The following FAIM2 variants were observed in gnomAD, a reference collection of about 807,000 sequenced individuals.
FAIM2 encodes the protein protein lifeguard 2.
In FAIM2, 27 loss-of-function variants were observed where a neutral mutation model predicts 47.4. The ratio of observed to expected loss-of-function variants is 0.57; its 90% CI spans 0.42 to 0.78. FAIM2 has a LOEUF of 0.78. FAIM2 is among the 30% of genes least tolerant of loss of function. The probability of loss-of-function intolerance (pLI) is 0.00; values close to 1 mark genes in which losing one functional copy is unlikely to be tolerated. For missense variants in FAIM2, 311 were observed against 389.4 expected (o/e 0.80, Z 1.69); for synonymous variants, 156 against 159.3 (o/e 0.98, Z 0.16).
In FAIM2 at chr12:49,869,457, CA is replaced by C. The variant is rs1207270645; in HGVS notation, c.*1046del. ...GCCTGGCTGGGGACGAGCCAGCAAA[CA>C]GCAGCTGACAGGAAGGGTTTAGGAA... On this transcript the variant is annotated 3_prime_UTR_variant, in exon 12 of 12. Coordinates refer to ENST00000320634, the MANE Select transcript of FAIM2 (RefSeq NM_012306.4). The C allele has an allele frequency of 6.5e-6, 1 of 153,072 alleles. No homozygotes were observed. Among genetic ancestry groups the C allele is most frequent in the East Asian group, 1.9e-4 (1 of 5,194 alleles). The allele number at this position is 153,072 out of a possible 1,614,324, so 9.5% of individuals were successfully genotyped here.
chr12:49,892,543 T>G (rs1048764544), intron 5 of FAIM2, among the ~76,000 whole-genome samples: 6 of 152,176 alleles, frequency 3.9e-5, no homozygotes, highest in African/African-American at 1.4e-4. Flanking sequence ...TTGTCAGTCC[T>G]TATCTTGCCT....
chr12:49,883,647 A>G (rs1377706131), intron 11 of FAIM2, among the ~76,000 whole-genome samples: 1 of 152,160 alleles, frequency 6.6e-6, no homozygotes, highest in Admixed American at 6.5e-5. Flanking sequence ...TAATCATCAT[A>G]AAATATCGCA....
At position 49,869,474 on chromosome 12, in the gene FAIM2, G is replaced by C. The variant is rs1946686675; in HGVS notation, c.*1030C>G. On this transcript the variant is annotated 3_prime_UTR_variant, in exon 12 of 12. Transcript: ENST00000320634. ...CCAGCAAACAGCAGCTGACAGGAAG[G>C]GTTTAGGAAATAAGAGGTGCAGAAG... is the stretch of plus-strand genomic sequence containing the variant. 1 of 153,154 alleles carries C rather than the reference G, an allele frequency of 6.5e-6. No homozygotes were observed. The highest frequency in any genetic ancestry group is 1.5e-5 in the Non-Finnish European group (1 of 68,580). The allele number at this position is 153,154 out of a possible 1,614,324, so 9.5% of individuals were successfully genotyped here.
intron 11 of FAIM2, among the ~76,000 whole-genome samples, chr12:49,884,648 C>A (rs1946848142): frequency 6.6e-6 from 1 of 152,194 alleles, no homozygotes; most frequent in South Asian, 2.1e-4. Flanking sequence ...ACACCTGGGT[C>A]TTGGTCCTCA....
At chr12:49,890,408 C>G (rs1315719361) in intron 7 of FAIM2, among the ~76,000 whole-genome samples, 1 of 152,180 alleles carries the variant, frequency 6.6e-6, no homozygotes, top group East Asian at 1.9e-4. Flanking sequence ...CTCCACTCTT[C>G]TTCATTACCA....
rs550983476 is a variant in FAIM2 at position 49,867,893 on chromosome 12, ACC to A, written c.*2609_*2610del. On this transcript the variant is annotated 3_prime_UTR_variant, in exon 12 of 12. Transcript: ENST00000320634. ...TGCTGCCTACACTGTGGTACCTGCC[ACC>A]CCCCCTCAGGACCCAGAGTAGGAGG... 1 of 150,852 alleles carries A rather than the reference ACC, an allele frequency of 6.6e-6. No homozygotes were observed. The highest frequency in any genetic ancestry group is 2.4e-5 in the African/African-American group (1 of 40,934). The allele number at this position is 150,852 out of a possible 1,614,324, so 9.3% of individuals were successfully genotyped here. A position where few individuals can be genotyped will look rare whatever the true frequency, so the allele number is the denominator to read the frequency against.
At chr12:49,883,960 G>A (rs1035872902) in intron 11 of FAIM2, among the ~76,000 whole-genome samples, 3 of 152,184 alleles carry the variant, frequency 2.0e-5, no homozygotes, top group African/African-American at 7.2e-5. Flanking sequence ...TATGGCTCAT[G>A]CCTGTTATCC....
intron 10 of FAIM2, among the ~76,000 whole-genome samples, chr12:49,888,847 C>T (rs903608157): frequency 1.3e-5 from 2 of 152,238 alleles, no homozygotes; most frequent in African/African-American, 2.4e-5. Context: ...CTCACCTCCA[C>T]CCCACAGAGG....
chr12:49,879,699 CATGTGTGT>C (rs1350009468), intron 11 of FAIM2, among the ~76,000 whole-genome samples: 5 of 49,380 alleles, frequency 1.0e-4, no homozygotes, highest in Admixed American at 6.2e-4. Flanking sequence ...TGTCTGTGTG[CATGTGTGT>C]GTGTGTGTAT....
chr12:49,875,615 C>A (rs1946730892), intron 11 of FAIM2, among the ~76,000 whole-genome samples: 1 of 152,124 alleles, frequency 6.6e-6, no homozygotes, highest in African/African-American at 2.4e-5. Flanking sequence ...AATCAAAAAG[C>A]CTGGCCCAGG....
chr12:49,884,438 G>A (rs1946846787), intron 11 of FAIM2, among the ~76,000 whole-genome samples: 1 of 152,148 alleles, frequency 6.6e-6, no homozygotes, highest in South Asian at 2.1e-4. Flanking sequence ...TTATTTTCAG[G>A]TGGGAGAAAT....
intron 3 of FAIM2, 49 bp downstream of exon 3, chr12:49,897,938 G>A (rs773824755): frequency 7.0e-7 from 1 of 1,432,192 alleles, no homozygotes; most frequent in Admixed American, 1.7e-5. Context: ...CTCTCCAGGG[G>A]CTCCCCCACT....
At chr12:49,873,495 T>A (rs1565611728) in intron 11 of FAIM2, among the ~76,000 whole-genome samples, 1 of 152,130 alleles carries the variant, frequency 6.6e-6, no homozygotes. Context: ...GCTGCCAGCA[T>A]CAGTTCATAA....
intron 2 of FAIM2, among the ~76,000 whole-genome samples, chr12:49,898,763 A>C (rs1946960133): frequency 6.6e-6 from 1 of 152,078 alleles, no homozygotes; most frequent in African/African-American, 2.4e-5. Flanking sequence ...CCTGAGCCCA[A>C]GCAATCCACC....
intron 11 of FAIM2, among the ~76,000 whole-genome samples, chr12:49,880,372 GTA>G (rs1445953837): frequency 1.6e-4 from 20 of 123,914 alleles, no homozygotes; most frequent in East Asian, 6.8e-4. Flanking sequence ...ATGTGCATGT[GTA>G]TGTGTGTCTA....
At chr12:49,897,738 A>C in intron 3 of FAIM2, 155 bp from the exon 4 acceptor site, 1 of 654,394 alleles carries the variant, frequency 1.5e-6, no homozygotes, top group Non-Finnish European at 2.7e-6. Flanking sequence ...GCGAAAGGAA[A>C]GCAAAGATGC....
intron 11 of FAIM2, among the ~76,000 whole-genome samples, chr12:49,881,015 A>T (rs1208498721): frequency 6.6e-6 from 1 of 152,102 alleles, no homozygotes; most frequent in Non-Finnish European, 1.5e-5. Context: ...TTCCTTCCAG[A>T]GACTGAGGAC....
At chr12:49,880,728 G>A (rs1164230656) in intron 11 of FAIM2, among the ~76,000 whole-genome samples, 1 of 151,300 alleles carries the variant, frequency 6.6e-6, no homozygotes, top group African/African-American at 2.4e-5. Flanking sequence ...GTGTATATGT[G>A]TGTGTGTATG....
chr12:49,895,546 G>A (rs1001558643), intron 5 of FAIM2, among the ~76,000 whole-genome samples: 2 of 152,220 alleles, frequency 1.3e-5, no homozygotes, highest in African/African-American at 4.8e-5. Flanking sequence ...CACATGGGCT[G>A]GCCCAGGTGG....
Sources: gnomAD v4.1 joint callset for allele counts (sites outside exome capture counted in the v4.1 genomes callset) on GRCh38, gnomAD v4.1.1 for gene constraint, MANE v1.5 for transcripts, NCBI Gene and HGNC (gene_info 2026-07-23, HGNC 2026-07-21) for gene names.